Variants in SPATA21 observed in about 807,000 individuals in gnomAD.
The protein encoded by SPATA21 is spermatogenesis-associated protein 21.
SPATA21 carries 47 observed loss-of-function variants against 54.8 expected under a neutral mutation model. The ratio of observed to expected loss-of-function variants is 0.86; its 90% CI spans 0.68 to 1.09. SPATA21 has a LOEUF of 1.09. SPATA21 is among the 50% of genes least tolerant of loss of function. SPATA21 has a pLI of 0.00. For missense variants in SPATA21, 599 were observed against 596.4 expected, an observed-to-expected ratio of 1.00 and a Z score of -0.05; for synonymous variants, 245 against 235.3, an observed-to-expected ratio of 1.04 and a Z score of -0.38.
In SPATA21 at chr1:16,421,826, G is replaced by T; in HGVS notation, c.95+85C>A. The T allele has an allele frequency of 6.3e-7, 1 of 1,599,374 alleles. No homozygotes were observed. The highest frequency in any genetic ancestry group is 8.6e-7 in the Non-Finnish European group (1 of 1,167,440). ...AAGGTCCTCTACCAGGTCAGGAGCA[G>T]TCTGGACTAGAATTCACCCCACCTG... is the stretch of plus-strand genomic sequence containing the variant. On this transcript the variant is annotated intron_variant, in intron 4 of 12. Coordinates refer to ENST00000335496, the MANE Select transcript of SPATA21 (RefSeq NM_198546.1). The surrounding 1 kb of genome is among the most constrained non-coding windows in gnomAD (Gnocchi z 5.2).
At chr1:16,427,148 G>A (rs979176070) in intron 3 of SPATA21, among the ~76,000 whole-genome samples, 2 of 152,090 alleles carry the variant, frequency 1.3e-5, no homozygotes, top group Non-Finnish European at 2.9e-5. Context: ...CCAGAAATGG[G>A]TGAGGATAAA....
Position 16,428,137 on chromosome 1 carries a change from G to T in SPATA21, c.34+3201C>A. On this transcript the variant is annotated intron_variant, in intron 3 of 12. Coordinates refer to ENST00000335496, the MANE Select transcript of SPATA21 (RefSeq NM_198546.1). The surrounding 1 kb of genome is among the most constrained non-coding windows in gnomAD (Gnocchi z 4.3). ...TCAAGGACAGGGAGATCCTGTGCCT[G>T]ATTGGGGAAGCTGTTGGAGAGGGGT... The T allele has an allele frequency of 7.7e-7, 1 of 1,297,512 alleles. No homozygotes were observed. Among genetic ancestry groups the T allele is most frequent in the Non-Finnish European group, 1.0e-6 (1 of 970,294 alleles). 80.4% of individuals were successfully genotyped at this position (1,297,512 alleles called of 1,614,324 possible).
rs951516606 is a variant in SPATA21 at position 16,425,444 on chromosome 1, G to C, written c.35-3473C>G. 2.8e-6 allele frequency: 4 copies of C among 1,419,590 alleles called. No homozygotes were observed. The South Asian group carries it at 3.9e-5, about 14-fold the overall frequency. 87.9% of individuals were successfully genotyped at this position (1,419,590 alleles called of 1,614,324 possible). Reference sequence around the variant, plus strand: ...CTACAGATACATGCACCAGAATGGGGGGCATGATAGGAGGGGGGCTCTTTC... The same window carrying C: ...CTACAGATACATGCACCAGAATGGGCGGCATGATAGGAGGGGGGCTCTTTC... On this transcript the variant is annotated intron_variant, in intron 3 of 12. Transcript: ENST00000335496.
intron 5 of SPATA21, among the ~76,000 whole-genome samples, chr1:16,418,757 G>C (rs1438816450): frequency 6.6e-6 from 1 of 152,052 alleles, no homozygotes; most frequent in Non-Finnish European, 1.5e-5. Flanking sequence ...GGCCAGGCTG[G>C]TCTTGAACCC....
intron 7 of SPATA21, chr1:16,408,483 A>G (rs2085718382): frequency 1.2e-5 from 12 of 985,426 alleles, no homozygotes; most frequent in Non-Finnish European, 1.4e-5. Context: ...AGGGAAGAAG[A>G]AACTATTCCA....
chr1:16,425,342 C>T (rs181255581), intron 3 of SPATA21: 1 of 683,080 alleles, frequency 1.5e-6, no homozygotes, highest in Admixed American at 2.2e-5. Flanking sequence ...GTGCAGTGGC[C>T]TGAACATAGC....
At position 16,426,576 on chromosome 1, in the gene SPATA21, TA is replaced by T. The variant is rs1287090510; in HGVS notation, c.35-4606del. On this transcript the variant is annotated intron_variant, in intron 3 of 12. Transcript: ENST00000335496. ...GCCCGGCTATATATATATATATATA[TA>T]TATTTTTTTTTTTTTTTTTTGAGAC... 7.4e-3 allele frequency among the ~76,000 whole-genome samples: 867 copies of T among 116,854 alleles called. 15 individuals carry two copies. Among genetic ancestry groups the T allele is most frequent in the African/African-American group, 0.03 (831 of 27,950 alleles). The allele number at this position is 116,854 out of a possible 152,430, so 76.7% of individuals were successfully genotyped here. A position where few individuals can be genotyped will look rare whatever the true frequency, so the allele number is the denominator to read the frequency against.
intron 10 of SPATA21, among the ~76,000 whole-genome samples, chr1:16,403,478 T>TTTTTC (rs1218668572): frequency 9.0e-5 from 12 of 132,650 alleles, no homozygotes; most frequent in African/African-American, 1.1e-4. Flanking sequence ...TATTCTAGTT[T>TTTTTC]TTTTCTTTTT....
In SPATA21 at chr1:16,405,756, C is replaced by T. The variant is rs572492916; in HGVS notation, c.674-652G>A. 7.9e-5 allele frequency among the ~76,000 whole-genome samples: 12 copies of T among 152,304 alleles called. No homozygotes were observed. In the South Asian group the frequency reaches 2.5e-3, roughly 32 times the overall value. On this transcript the variant is annotated intron_variant, in intron 7 of 12. Transcript: ENST00000335496. The stretch of plus-strand genomic sequence containing the variant: ...TGTATCGGTGCTGCTCTGGGACGTT[C>T]TCAGACCCTTCCCATCCTCTGCTCT...
At chr1:16,417,406 C>A (rs1170793857) in intron 5 of SPATA21, among the ~76,000 whole-genome samples, 3 of 151,308 alleles carry the variant, frequency 2.0e-5, no homozygotes, top group Non-Finnish European at 4.4e-5. Flanking sequence ...CTACAGGTGC[C>A]TGCCACCATG....
In SPATA21 at chr1:16,418,302, C is replaced by T. The variant is rs139118722; in HGVS notation, c.144+3207G>A. Among the ~76,000 whole-genome samples the T allele has an allele frequency of 4.4e-3, 665 of 152,164 alleles. 6 individuals carry two copies. Among genetic ancestry groups the T allele is most frequent in the Non-Finnish European group, 5.5e-3 (371 of 68,004 alleles). On this transcript the variant is annotated intron_variant, in intron 5 of 12. Transcript: ENST00000335496. ...TTTTATTTTTTTTGAGATGGAGTCT[C>T]GCTCTGTCGCCCAGGCCGGAGTGCA...
intron 7 of SPATA21, among the ~76,000 whole-genome samples, chr1:16,407,923 G>T (rs1268333554): frequency 6.6e-6 from 1 of 152,104 alleles, no homozygotes; most frequent in Non-Finnish European, 1.5e-5. Flanking sequence ...ATGCTACCAT[G>T]TCCGGCTAAT....
chr1:16,409,222 C>T lies in SPATA21; in HGVS notation c.588-19G>A, dbSNP rs745432968. On this transcript the variant is annotated intron_variant, in intron 6 of 12. Coordinates refer to ENST00000335496, the MANE Select transcript of SPATA21 (RefSeq NM_198546.1). The surrounding 1 kb of genome is among the most constrained non-coding windows in gnomAD (Gnocchi z 4.1). ...CTCCTGCCTGCAGAGGACAGAACCC[C>T]GACCCAGGGCAACATCCGGCCGCCC... 14 of 1,613,686 alleles carry T rather than the reference C, an allele frequency of 8.7e-6. No homozygotes were observed. The highest frequency in any genetic ancestry group is 6.6e-5 in the South Asian group (6 of 91,072).
At chr1:16,415,882 C>G (rs1363603247) in intron 5 of SPATA21, among the ~76,000 whole-genome samples, 1 of 152,158 alleles carries the variant, frequency 6.6e-6, no homozygotes, top group Admixed American at 6.6e-5. Flanking sequence ...ATTTCAGGAT[C>G]CAGCACCAAG....
At chr1:16,419,652 G>C (rs544886918) in intron 5 of SPATA21, among the ~76,000 whole-genome samples, 1 of 152,158 alleles carries the variant, frequency 6.6e-6, no homozygotes, top group Non-Finnish European at 1.5e-5. Flanking sequence ...TAAAGGCAAG[G>C]TCTATGGCTG....
chr1:16,405,158 C>T (rs526489), intron 7 of SPATA21, 54 bp from the exon 8 acceptor site: 608,388 of 1,564,492 alleles, frequency 0.39, 124,362 homozygotes, highest in East Asian at 0.69. Flanking sequence ...TTCTGTCATT[C>T]ATCCCATTAC....
intron 7 of SPATA21, among the ~76,000 whole-genome samples, chr1:16,405,736 C>T (rs1406169185): frequency 5.9e-5 from 9 of 152,138 alleles, no homozygotes. Flanking sequence ...GCCTTTGTAT[C>T]GGTGCTGCTC....
intron 5 of SPATA21, among the ~76,000 whole-genome samples, chr1:16,411,112 T>C (rs993187849): frequency 4.0e-5 from 6 of 150,336 alleles, no homozygotes; most frequent in Non-Finnish European, 8.8e-5. Flanking sequence ...TACCACACAC[T>C]CTCTCTTCCT....
At chr1:16,407,029 C>T (rs1268133250) in intron 7 of SPATA21, among the ~76,000 whole-genome samples, 1 of 152,240 alleles carries the variant, frequency 6.6e-6, no homozygotes, top group Non-Finnish European at 1.5e-5. Flanking sequence ...ATGTGAGCCT[C>T]TATATCCATA....
Sources: allele counts gnomAD v4.1 joint callset (sites outside exome capture counted in the v4.1 genomes callset), GRCh38; gene constraint gnomAD v4.1.1; non-coding constraint Gnocchi (gnomAD v3.1); transcripts MANE v1.5; gene names NCBI Gene and HGNC (gene_info 2026-07-23, HGNC 2026-07-21).